The following RYR2 variants were observed in gnomAD, a reference collection of about 807,000 sequenced individuals.
RYR2 encodes cardiac muscle ryanodine receptor-calcium release channel.
In RYR2, 227 loss-of-function variants were observed where a neutral mutation model predicts 601.1. The ratio of observed to expected loss-of-function variants is 0.38; its 90% CI spans 0.34 to 0.42. The LOEUF (loss-of-function observed/expected upper bound fraction) is 0.42, where lower values mean the gene tolerates loss of function less well. Among genes scored for constraint, RYR2 ranks in the 10% least tolerant of loss-of-function variants. The pLI is 1.00. For missense variants in RYR2, 4,646 were observed against 6,156.5 expected (o/e 0.75, Z 8.21); for synonymous variants, 2,223 against 2,175.1 (o/e 1.02, Z -0.61).
intron 92 of RYR2, among the ~76,000 whole-genome samples, chr1:237,788,680 TAAG>T (rs1437479361): frequency 6.6e-6 from 1 of 152,184 alleles, no homozygotes; most frequent in African/African-American, 2.4e-5. Flanking sequence ...CCATTGATAA[TAAG>T]AAGGTCTATT....
chr1:237,702,774 C>T (rs563471927), intron 66 of RYR2, among the ~76,000 whole-genome samples: 1 of 151,948 alleles, frequency 6.6e-6, no homozygotes, highest in East Asian at 1.9e-4. Flanking sequence ...ACGGAATTTG[C>T]AGGGGAATAA....
intron 10 of RYR2, among the ~76,000 whole-genome samples, chr1:237,400,808 G>T (rs1703288538): frequency 6.6e-6 from 1 of 152,108 alleles, no homozygotes; most frequent in Admixed American, 6.6e-5. Flanking sequence ...GTCCCAAAAA[G>T]GAAGGAGATC....
chr1:237,054,261 T>C (rs1327554790), intron 1 of RYR2, among the ~76,000 whole-genome samples: 1 of 142,486 alleles, frequency 7.0e-6, no homozygotes, highest in East Asian at 2.2e-4. Flanking sequence ...CATCACTTCC[T>C]CCCTTCCTTC....
intron 27 of RYR2, among the ~76,000 whole-genome samples, chr1:237,563,878 T>C (rs1159577523): frequency 6.6e-6 from 1 of 152,178 alleles, no homozygotes; most frequent in African/African-American, 2.4e-5. Context: ...AAAGAGAACC[T>C]GGTATTTTTC....
At chr1:237,100,450 G>C (rs1427115253) in intron 1 of RYR2, among the ~76,000 whole-genome samples, 5 of 148,854 alleles carry the variant, frequency 3.4e-5, no homozygotes, top group African/African-American at 1.2e-4. Context: ...GCAGTGGTGT[G>C]ATCTCGGCTC....
At position 237,441,335 on chromosome 1, in the gene RYR2, G is replaced by C. The variant is rs565413020; in HGVS notation, c.1022G>C (p.Gly341Ala). The stretch of plus-strand genomic sequence containing the variant: ...TCCCCTTAGGAAAAATTGGATGTAG[G>C]GGTGAGAAAAGAAGTAGATGGCATG... ...FRSSKEKLDV[G>A]VRKEVDGMGT... is the part of the protein sequence containing the mutation. The change falls in exon 13 of 105, where the codon GGG (glycine) becomes GCG (alanine). Residue 341 changes from glycine to alanine, a missense_variant. Gly to Ala is a moderately conservative substitution (Grantham distance 60, BLOSUM62 0). This residue lies in a region of RYR2 where 1,807 missense variants were observed against 2,088.1 expected (regional missense o/e 0.87). Transcript: ENST00000366574. The C allele has an allele frequency of 7.7e-5, 124 of 1,613,566 alleles. 1 individual carries two copies. In the Admixed American group the frequency reaches 2.1e-3, roughly 27 times the overall value.
chr1:237,660,695 C>T (rs576800292), intron 55 of RYR2, 115 bp from the exon 56 acceptor site: 1 of 843,480 alleles, frequency 1.2e-6, no homozygotes, highest in Non-Finnish European at 1.7e-6. Flanking sequence ...TTTAAATAAG[C>T]TATGCTCATC....
intron 86 of RYR2, among the ~76,000 whole-genome samples, chr1:237,772,303 T>C (rs1694334123): frequency 6.6e-6 from 1 of 152,236 alleles, no homozygotes; most frequent in Admixed American, 6.5e-5. Context: ...TTGCTCATTA[T>C]TTTATTTCTG....
At chr1:237,326,623 G>T (rs923883747) in intron 2 of RYR2, among the ~76,000 whole-genome samples, 1 of 152,226 alleles carries the variant, frequency 6.6e-6, no homozygotes. Flanking sequence ...CTATATGAAA[G>T]TTCTCATGAT....
intron 1 of RYR2, among the ~76,000 whole-genome samples, chr1:237,210,741 C>A (rs1682480309): frequency 6.6e-6 from 1 of 152,076 alleles, no homozygotes; most frequent in Non-Finnish European, 1.5e-5. Context: ...GGGGTGGGAA[C>A]TTATCCCACT....
At chr1:237,691,745 G>GA (rs770990590) in intron 63 of RYR2, among the ~76,000 whole-genome samples, 119 of 152,250 alleles carry the variant, frequency 7.8e-4, no homozygotes, top group Non-Finnish European at 1.5e-3. Context: ...GAAAAAGAAA[G>GA]AAAATAGCTT....
chr1:237,622,149 A>G (rs1474741599), intron 38 of RYR2, among the ~76,000 whole-genome samples: 1 of 152,190 alleles, frequency 6.6e-6, no homozygotes, highest in Non-Finnish European at 1.5e-5. Flanking sequence ...CCAAAAAGAA[A>G]ATCTAAAATA....
In RYR2 at chr1:237,614,258, C is replaced by G. The variant is rs1251812071; in HGVS notation, c.5130C>G (p.His1710Gln). 6.2e-7 allele frequency: 1 copy of G among 1,613,904 alleles called. No homozygotes were observed. Among genetic ancestry groups the G allele is most frequent in the Non-Finnish European group, 8.5e-7 (1 of 1,179,916 alleles). ...ACTATGACCTGCTGATTGACATCCA[C>G]CTGAGCTCCTATGCCACTGCCAGGC... ...AGYYDLLIDI[H>Q]LSSYATARLM... The change falls in exon 37 of 105, where the codon CAC becomes CAG. Residue 1710 changes from histidine (H) to glutamine (Q), a missense_variant. Physicochemically the swap from His to Gln is conservative, Grantham distance 24. This residue lies in a region of RYR2 where 1,807 missense variants were observed against 2,088.1 expected (regional missense o/e 0.87). Coordinates refer to ENST00000366574, the MANE Select transcript of RYR2 (RefSeq NM_001035.3). This position sits in a 1 kb window ranked among gnomAD's most constrained non-coding sequence, Gnocchi z 4.3.
chr1:237,385,378 T>C (rs1572084471), intron 8 of RYR2, among the ~76,000 whole-genome samples: 1 of 152,210 alleles, frequency 6.6e-6, no homozygotes, highest in East Asian at 1.9e-4. Flanking sequence ...TACCCTGATA[T>C]GATCACTGCA....
chr1:237,111,121 G>T (rs529503059), intron 1 of RYR2, among the ~76,000 whole-genome samples: 4 of 152,296 alleles, frequency 2.6e-5, no homozygotes, highest in African/African-American at 9.6e-5. Context: ...TATCTGTTTG[G>T]TAACATTGTT....
chr1:237,578,090 G>A lies in RYR2; in HGVS notation c.3598+8771G>A, dbSNP rs568422874. On this transcript the variant is annotated intron_variant, in intron 29 of 104. Coordinates refer to ENST00000366574, the MANE Select transcript of RYR2 (RefSeq NM_001035.3). The stretch of plus-strand genomic sequence containing the variant: ...CTCCCAAAGTGCTGGGATTACAGGC[G>A]TGAGCCACCACACCTGTTCTGAAAT... Among the ~76,000 whole-genome samples the A allele has an allele frequency of 1.7e-4, 26 of 152,214 alleles. No homozygotes were observed. In the East Asian group the frequency reaches 3.7e-3, roughly 22 times the overall value.
intron 73 of RYR2, among the ~76,000 whole-genome samples, chr1:237,722,627 G>T (rs1689839237): frequency 6.6e-6 from 1 of 151,906 alleles, no homozygotes; most frequent in South Asian, 2.1e-4. Context: ...TAGAAACGGG[G>T]TTTCACCGTG....
intron 33 of RYR2, among the ~76,000 whole-genome samples, chr1:237,595,110 AAAC>A (rs1262114857): frequency 7.0e-6 from 1 of 143,864 alleles, no homozygotes; most frequent in African/African-American, 2.5e-5. Flanking sequence ...AAACAAAACA[AAAC>A]AAAAAAAAGC....
intron 17 of RYR2, among the ~76,000 whole-genome samples, chr1:237,483,814 A>G (rs1041481632): frequency 2.0e-5 from 3 of 152,214 alleles, no homozygotes; most frequent in African/African-American, 7.2e-5. Flanking sequence ...GTGAAATGTC[A>G]GTGAAATCTG....
Sources: gnomAD v4.1 joint callset for allele counts (sites outside exome capture counted in the v4.1 genomes callset) on GRCh38, gnomAD v4.1.1 for gene constraint, gnomAD v4.1.1 regional missense constraint, Gnocchi (gnomAD v3.1) non-coding constraint, MANE v1.5 for transcripts, NCBI Gene and HGNC (gene_info 2026-07-23, HGNC 2026-07-21) for gene names.